The following NAALADL2 variants were observed in gnomAD, a reference collection of about 807,000 sequenced individuals.
NAALADL2 encodes inactive N-acetylated-alpha-linked acidic dipeptidase-like protein 2.
In NAALADL2, 76 loss-of-function variants were observed where a neutral mutation model predicts 87.2. The ratio of observed to expected loss-of-function variants is 0.87; its 90% CI spans 0.72 to 1.05. The LOEUF is 1.05. NAALADL2 is among the 50% of genes least tolerant of loss of function. The probability of loss-of-function intolerance (pLI) is 0.00; values close to 1 mark genes in which losing one functional copy is unlikely to be tolerated. For synonymous variants in NAALADL2, 354 were observed against 331.0 expected (o/e 1.07, Z -0.75); for missense variants, 1,089 against 945.8 (o/e 1.15, Z -1.99).
intron 3 of NAALADL2, among the ~76,000 whole-genome samples, chr3:174,840,794 G>T (rs1035814333): frequency 1.3e-5 from 2 of 152,106 alleles, no homozygotes; most frequent in African/African-American, 4.8e-5. Context: ...AGGAAAGACA[G>T]CAGCCATTCA....
chr3:174,441,484 G>T (rs936147091), intron 1 of NAALADL2, among the ~76,000 whole-genome samples: 4 of 152,142 alleles, frequency 2.6e-5, no homozygotes, highest in Non-Finnish European at 5.9e-5. Context: ...AAAGAGCGGC[G>T]CCGCGGGCCC....
intron 11 of NAALADL2, among the ~76,000 whole-genome samples, chr3:175,657,734 A>G (rs1406121743): frequency 6.7e-6 from 1 of 149,366 alleles, no homozygotes; most frequent in East Asian, 2.0e-4. Flanking sequence ...GTGCCCGCCA[A>G]CACGCCCGGC....
At chr3:175,751,147 C>T (rs948974076) in intron 12 of NAALADL2, among the ~76,000 whole-genome samples, 1 of 151,918 alleles carries the variant, frequency 6.6e-6, no homozygotes, top group East Asian at 1.9e-4. Flanking sequence ...TAATGGTTAG[C>T]GTTTCACCAG....
At chr3:175,208,882 G>T (rs549019052) in intron 2 of NAALADL2, among the ~76,000 whole-genome samples, 1 of 152,248 alleles carries the variant, frequency 6.6e-6, no homozygotes, top group African/African-American at 2.4e-5. Context: ...CAGTCCAGGC[G>T]CAGATTGAAC....
At chr3:174,792,626 CTT>C (rs1213728597) in intron 3 of NAALADL2, among the ~76,000 whole-genome samples, 1 of 152,100 alleles carries the variant, frequency 6.6e-6, no homozygotes, top group African/African-American at 2.4e-5. Context: ...GTTTAAAACT[CTT>C]TTTATCCAGT....
intron 1 of NAALADL2, among the ~76,000 whole-genome samples, chr3:174,874,228 T>A (rs913583530): frequency 6.6e-6 from 1 of 152,178 alleles, no homozygotes; most frequent in Non-Finnish European, 1.5e-5. Context: ...GTGCACATGT[T>A]ATAGAAGTTA....
chr3:174,506,795 G>A (rs147001626), intron 1 of NAALADL2, among the ~76,000 whole-genome samples: 12 of 152,128 alleles, frequency 7.9e-5, no homozygotes, highest in Admixed American at 2.6e-4. Context: ...ATTTATTGAC[G>A]TTGAATACAT....
At chr3:174,768,576 C>A (rs1181063120) in intron 3 of NAALADL2, among the ~76,000 whole-genome samples, 2 of 152,094 alleles carry the variant, frequency 1.3e-5, no homozygotes, top group African/African-American at 4.8e-5. Context: ...TTTGGAGATA[C>A]ATTTAGTAGT....
chr3:175,784,413 C>G (rs1275982007), intron 13 of NAALADL2, among the ~76,000 whole-genome samples: 7 of 148,016 alleles, frequency 4.7e-5, no homozygotes, highest in African/African-American at 1.8e-4. Flanking sequence ...GATTCAACTT[C>G]TTCCTGGTTT....
chr3:175,570,859 G>A (rs1717963953), intron 9 of NAALADL2, among the ~76,000 whole-genome samples: 1 of 136,740 alleles, frequency 7.3e-6, no homozygotes, highest in African/African-American at 2.8e-5. Context: ...CAGCCTGGGT[G>A]ACATAGTGAG....
At chr3:175,076,445 A>G (rs955938458) in intron 1 of NAALADL2, among the ~76,000 whole-genome samples, 3 of 151,938 alleles carry the variant, frequency 2.0e-5, no homozygotes, top group Non-Finnish European at 4.4e-5. Context: ...AGCAGTGTGT[A>G]ATATAGACTA....
At chr3:175,628,120 C>T (rs1231925273) in intron 11 of NAALADL2, among the ~76,000 whole-genome samples, 1 of 151,694 alleles carries the variant, frequency 6.6e-6, no homozygotes, top group Non-Finnish European at 1.5e-5. Context: ...GGTTCAAAAA[C>T]ACTACGCATT....
intron 1 of NAALADL2, among the ~76,000 whole-genome samples, chr3:174,447,871 G>C (rs1226635025): frequency 6.6e-6 from 1 of 152,096 alleles, no homozygotes; most frequent in Non-Finnish European, 1.5e-5. Flanking sequence ...CTTCTTACTT[G>C]TAGTAGGTCT....
intron 1 of NAALADL2, among the ~76,000 whole-genome samples, chr3:174,471,667 A>G (rs569571281): frequency 6.6e-6 from 1 of 152,202 alleles, no homozygotes; most frequent in South Asian, 2.1e-4. Context: ...TCCTAGCCCC[A>G]TAATTGACTA....
At chr3:174,634,253 A>G (rs1722418398) in intron 2 of NAALADL2, among the ~76,000 whole-genome samples, 1 of 152,128 alleles carries the variant, frequency 6.6e-6, no homozygotes, top group African/African-American at 2.4e-5. Context: ...AAAATCATAA[A>G]GTTTGTGATC....
chr3:174,741,945 A>G (rs1560187018), intron 3 of NAALADL2, among the ~76,000 whole-genome samples: 1 of 151,640 alleles, frequency 6.6e-6, no homozygotes, highest in Non-Finnish European at 1.5e-5. Context: ...TGCATTTTAT[A>G]CTTTTTGCGT....
At chr3:174,828,975 A>G (rs1003870321) in intron 3 of NAALADL2, among the ~76,000 whole-genome samples, 49 of 152,250 alleles carry the variant, frequency 3.2e-4, no homozygotes, top group Middle Eastern at 3.2e-3. Context: ...ACAATAAAAG[A>G]AAAATGTTAA....
intron 9 of NAALADL2, among the ~76,000 whole-genome samples, chr3:175,481,399 T>C: frequency 6.6e-6 from 1 of 151,080 alleles, no homozygotes. Flanking sequence ...TTTTCCCTTT[T>C]CAATTAGGAA....
At chr3:175,686,624 T>C (rs1485454402) in intron 11 of NAALADL2, among the ~76,000 whole-genome samples, 1 of 152,196 alleles carries the variant, frequency 6.6e-6, no homozygotes, top group African/African-American at 2.4e-5. Flanking sequence ...TAGATTATTT[T>C]CTTCATGAAG....
Sources: allele counts gnomAD v4.1 joint callset (sites outside exome capture counted in the v4.1 genomes callset), GRCh38; gene constraint gnomAD v4.1.1; transcripts MANE v1.5; gene names NCBI Gene and HGNC (gene_info 2026-07-23, HGNC 2026-07-21).